The following CPA6 variants were observed in gnomAD, a reference collection of about 807,000 sequenced individuals.
CPA6 encodes the protein carboxypeptidase B.
In CPA6, 58 loss-of-function variants were observed where a neutral mutation model predicts 63.3. The observed-to-expected ratio is 0.92, with a 90% CI of 0.74 to 1.14. The LOEUF (loss-of-function observed/expected upper bound fraction) is 1.14. Among genes scored for constraint, CPA6 ranks in the 50% most tolerant of loss-of-function variants. CPA6 has a pLI of 0.00. For missense variants in CPA6, 565 were observed against 526.6 expected (o/e 1.07, Z -0.71); for synonymous variants, 185 against 179.0 (o/e 1.03, Z -0.27).
intron 10 of CPA6, 122 bp from the exon 11 acceptor site, chr8:67,422,813 G>C: frequency 1.4e-6 from 1 of 691,894 alleles, no homozygotes; most frequent in Non-Finnish European, 2.3e-6. Context: ...ATTAAATGCT[G>C]TTTCAATAAG....
At chr8:67,488,390 CT>C (rs1243487746) in intron 6 of CPA6, among the ~76,000 whole-genome samples, 1 of 152,154 alleles carries the variant, frequency 6.6e-6, no homozygotes, top group Non-Finnish European at 1.5e-5. Context: ...TCTGAGGCCC[CT>C]GTTCTGTTCC....
chr8:67,594,914 T>A (rs534168480), intron 2 of CPA6, among the ~76,000 whole-genome samples: 14 of 152,354 alleles, frequency 9.2e-5, no homozygotes, highest in African/African-American at 3.4e-4. Context: ...TTTGCTCCAT[T>A]GCTGGTGAGG....
intron 6 of CPA6, 95 bp from the exon 7 acceptor site, chr8:67,484,884 T>C (rs931335780): frequency 1.6e-6 from 1 of 608,256 alleles, no homozygotes; most frequent in Non-Finnish European, 2.9e-6. Flanking sequence ...AACTACCAAA[T>C]ACGGTGGTTT....
At chr8:67,740,512 T>C (rs972212879) in intron 1 of CPA6, among the ~76,000 whole-genome samples, 4 of 152,184 alleles carry the variant, frequency 2.6e-5, no homozygotes, top group African/African-American at 9.7e-5. Context: ...CCTTTTGTCT[T>C]CAGTATGCCA....
At chr8:67,593,598 T>G (rs145792653) in intron 2 of CPA6, among the ~76,000 whole-genome samples, 67 of 152,234 alleles carry the variant, frequency 4.4e-4, no homozygotes, top group African/African-American at 1.2e-3. Context: ...ATTTAGGATA[T>G]TTAGCTCTTC....
chr8:67,444,673 C>T (rs1337919520), intron 8 of CPA6, among the ~76,000 whole-genome samples: 1 of 149,048 alleles, frequency 6.7e-6, no homozygotes, highest in Non-Finnish European at 1.5e-5. Flanking sequence ...ATCCCAGCTA[C>T]TCGGGAGGCT....
intron 8 of CPA6, among the ~76,000 whole-genome samples, chr8:67,461,618 T>C (rs1810809070): frequency 6.6e-6 from 1 of 152,200 alleles, no homozygotes; most frequent in African/African-American, 2.4e-5. Context: ...GAGGGTCTCC[T>C]CACTTCCCAG....
Position 67,729,306 on chromosome 8 carries a change from G to A in CPA6, c.116+16708C>T, listed in dbSNP as rs561328130. Reference sequence around the variant, plus strand: ...TGGAAAATCTGCACATAAGCTGCTCGTATTTTTATAGCATGAAAAAAAGCC... The same window carrying A: ...TGGAAAATCTGCACATAAGCTGCTCATATTTTTATAGCATGAAAAAAAGCC... On this transcript the variant is annotated intron_variant, in intron 1 of 10. Transcript: ENST00000297770. Among the ~76,000 whole-genome samples the A allele has an allele frequency of 4.1e-4, 63 of 152,264 alleles. No homozygotes were observed. In the South Asian group the frequency reaches 0.011, roughly 27 times the overall value.
chr8:67,531,527 A>G lies in CPA6; in HGVS notation c.193-13480T>C, dbSNP rs546325205. Among the ~76,000 whole-genome samples the G allele has an allele frequency of 1.7e-3, 256 of 152,312 alleles. 2 individuals carry two copies. Among genetic ancestry groups the G allele is most frequent in the Non-Finnish European group, 3.5e-3 (239 of 67,990 alleles). On this transcript the variant is annotated intron_variant, in intron 2 of 10. Coordinates refer to ENST00000297770, the MANE Select transcript of CPA6 (RefSeq NM_020361.5). ...AATATAGCAGTATATATCGCTATATACAGTGAACATATATGAATATAAATG... is the reference window on the plus strand; with the variant it reads ...AATATAGCAGTATATATCGCTATATGCAGTGAACATATATGAATATAAATG...
chr8:67,637,475 C>T (rs1255560590), intron 1 of CPA6, among the ~76,000 whole-genome samples: 2 of 151,512 alleles, frequency 1.3e-5, no homozygotes, highest in African/African-American at 4.9e-5. Flanking sequence ...TATCACACTT[C>T]GATTTAGTTC....
chr8:67,570,257 GA>G (rs1269125450), intron 2 of CPA6, among the ~76,000 whole-genome samples: 2 of 152,088 alleles, frequency 1.3e-5, no homozygotes, highest in Non-Finnish European at 2.9e-5. Flanking sequence ...AACTTCCCCA[GA>G]CAAATAAAAG....
chr8:67,592,530 G>A (rs1361219611), intron 2 of CPA6, among the ~76,000 whole-genome samples: 11 of 151,574 alleles, frequency 7.3e-5, no homozygotes, highest in Admixed American at 2.6e-4. Flanking sequence ...ACTCTTTTTG[G>A]TTGGTAAGCT....
At chr8:67,677,250 A>G (rs370668330) in intron 1 of CPA6, among the ~76,000 whole-genome samples, 1 of 152,074 alleles carries the variant, frequency 6.6e-6, no homozygotes, top group East Asian at 1.9e-4. Context: ...TAAATTATCA[A>G]TGAGTGATTT....
At chr8:67,482,540 C>A (rs1563970728) in intron 8 of CPA6, among the ~76,000 whole-genome samples, 1 of 152,166 alleles carries the variant, frequency 6.6e-6, no homozygotes, top group Non-Finnish European at 1.5e-5. Context: ...TATTGCTCAT[C>A]ATCACAACAT....
chr8:67,490,874 C>T (rs1811588886), intron 6 of CPA6, among the ~76,000 whole-genome samples: 2 of 152,092 alleles, frequency 1.3e-5, no homozygotes, highest in Admixed American at 1.3e-4. Flanking sequence ...GAGTTCATGA[C>T]AGCATGGAAT....
intron 8 of CPA6, among the ~76,000 whole-genome samples, chr8:67,435,150 C>G (rs560609058): frequency 2.0e-5 from 3 of 152,334 alleles, no homozygotes; most frequent in African/African-American, 7.2e-5. Context: ...TTGGAGGTCC[C>G]CCCAGAGAGC....
Position 67,449,321 on chromosome 8 carries a change from A to G in CPA6, c.839-15081T>C, listed in dbSNP as rs937149708. ...ACTCTCTGTTCTGTTCTGCTGTTCT[A>G]TGTGTCTATTCTCACGTTGTTACCC... On this transcript the variant is annotated intron_variant, in intron 8 of 10. Transcript: ENST00000297770. 3.9e-5 allele frequency among the ~76,000 whole-genome samples: 6 copies of G among 152,176 alleles called. No individual in the cohort carries two copies. In the South Asian group the frequency reaches 6.2e-4, roughly 16 times the overall value.
In CPA6 at chr8:67,498,004, G is replaced by T. The variant is rs141294593; in HGVS notation, c.636+8783C>A. On this transcript the variant is annotated intron_variant, in intron 6 of 10. Coordinates refer to ENST00000297770, the MANE Select transcript of CPA6 (RefSeq NM_020361.5). ...TTCAAGTCCATTACTTTTAAGTTTT[G>T]TAAGTGTCCCTCTTTACAAGTATCT... 2.6e-3 allele frequency among the ~76,000 whole-genome samples: 396 copies of T among 152,114 alleles called. 2 individuals are homozygous for T. The highest frequency in any genetic ancestry group is 9.1e-3 in the African/African-American group (378 of 41,510).
intron 1 of CPA6, among the ~76,000 whole-genome samples, chr8:67,719,751 C>T (rs1817455808): frequency 6.6e-6 from 1 of 151,934 alleles, no homozygotes; most frequent in Admixed American, 6.6e-5. Context: ...AGCGACAAGA[C>T]TTAGTAAGCG....
Sources: allele counts gnomAD v4.1 joint callset (sites outside exome capture counted in the v4.1 genomes callset), GRCh38; gene constraint gnomAD v4.1.1; transcripts MANE v1.5; gene names NCBI Gene and HGNC (gene_info 2026-07-23, HGNC 2026-07-21).